ERICH3: variants seen among roughly 807,000 people sequenced by gnomAD.
The protein encoded by ERICH3 is glutamate-rich protein 3.
In ERICH3, 126 loss-of-function variants were observed where a neutral mutation model predicts 131.1. The ratio of observed to expected loss-of-function variants is 0.96; its 90% confidence interval spans 0.83 to 1.11. ERICH3 has a LOEUF of 1.11. Ranked by LOEUF, ERICH3 falls within the 50% of genes most tolerant of loss-of-function variation. The probability of loss-of-function intolerance (pLI) is 0.00; values close to 1 mark genes in which losing one functional copy is unlikely to be tolerated. For missense variants in ERICH3, 2,050 were observed against 1,810.7 expected (o/e 1.13, Z -2.40); for synonymous variants, 695 against 644.6 (o/e 1.08, Z -1.18).
Position 74,572,303 on chromosome 1 carries a change from T to G in ERICH3, c.3407A>C (p.Glu1136Ala). 6.2e-7 allele frequency: 1 copy of G among 1,614,032 alleles called. No homozygotes were observed. The highest frequency in any genetic ancestry group is 1.1e-5 in the South Asian group (1 of 91,082). Reference sequence around the variant, plus strand: ...TAGAAGCCCTGGATTGTCAGACAACTCAGAAGCCTCCACAGGTGCTTCGTT... The same window carrying G: ...TAGAAGCCCTGGATTGTCAGACAACGCAGAAGCCTCCACAGGTGCTTCGTT... Reference protein sequence around the residue: ...AENEAPVEASELSDNPGLLGE... With the variant: ...AENEAPVEASALSDNPGLLGE... The change falls in exon 14 of 15, where the codon GAG becomes GCG. Residue 1136 changes from glutamate (E) to alanine (A), a missense_variant. Coordinates refer to ENST00000326665, the MANE Select transcript of ERICH3 (RefSeq NM_001002912.5).
At position 74,637,005 on chromosome 1, in the gene ERICH3, T is replaced by C. The variant is rs1041903265; in HGVS notation, c.445-567A>G. On this transcript the variant is annotated intron_variant, in intron 5 of 14. Coordinates refer to ENST00000326665, the MANE Select transcript of ERICH3 (RefSeq NM_001002912.5). ...TACTAGGAAAACAAAAATAAAAAAA[T>C]TGTAACTGGCAACTTTGGAAAATGT... Among the ~76,000 whole-genome samples, 6 of 152,276 alleles carry C rather than the reference T, an allele frequency of 3.9e-5. No individual in the cohort carries two copies. The East Asian group carries it at 1.2e-3, about 29-fold the overall frequency.
chr1:74,606,353 T>C (rs1648391472), intron 10 of ERICH3, among the ~76,000 whole-genome samples: 1 of 151,894 alleles, frequency 6.6e-6, no homozygotes, highest in African/African-American at 2.4e-5. Flanking sequence ...CACATTGACA[T>C]GTACTCATTC....
intron 1 of ERICH3, among the ~76,000 whole-genome samples, chr1:74,667,593 C>T (rs2100660314): frequency 6.6e-6 from 1 of 152,314 alleles, no homozygotes; most frequent in East Asian, 1.9e-4. Flanking sequence ...AACTTTACCT[C>T]AGGTTCTGAA....
intron 1 of ERICH3, among the ~76,000 whole-genome samples, chr1:74,660,305 T>C (rs150113034): frequency 9.5e-4 from 144 of 152,118 alleles, no homozygotes; most frequent in African/African-American, 3.3e-3. Context: ...TTCTTTATAG[T>C]AGTGTGAGAA....
At chr1:74,619,742 C>T (rs993383412) in intron 8 of ERICH3, among the ~76,000 whole-genome samples, 5 of 152,178 alleles carry the variant, frequency 3.3e-5, no homozygotes, top group Non-Finnish European at 7.3e-5. Context: ...CTACCAAATA[C>T]ATAAAATGGA....
chr1:74,578,554 T>C (rs1400807574), intron 12 of ERICH3: 1 of 152,150 alleles, frequency 6.6e-6, no homozygotes, highest in East Asian at 1.9e-4. Flanking sequence ...AAGAACATAG[T>C]ATTTCTGAAA....
rs766647500 is a variant in ERICH3 at position 74,573,474 on chromosome 1, T to G, written c.2236A>C (p.Met746Leu). ...TTGATTGCTGCTGTTTCATCCACCA[T>G]GAAATTCATTGTTGGTGCTATAAAA... ...LALGAPTMNF[M>L]VDETAAINSN... is the part of the protein sequence containing the mutation. The change falls in exon 14 of 15, where the codon ATG becomes CTG. Residue 746 changes from methionine to leucine, a missense_variant. By Grantham distance (15) the Met-to-Leu change is conservative. Transcript: ENST00000326665. 6 of 1,516,770 alleles carry G rather than the reference T, an allele frequency of 4.0e-6. No homozygotes were observed. In the South Asian group the frequency reaches 8.1e-5, roughly 20 times the overall value. 94.0% of individuals were successfully genotyped at this position (1,516,770 alleles called of 1,614,324 possible).
At chr1:74,615,069 C>A (rs1432471331) in intron 8 of ERICH3, 1 of 152,188 alleles carries the variant, frequency 6.6e-6, no homozygotes, top group Admixed American at 6.5e-5. Flanking sequence ...GCCCTTCCAT[C>A]GGATGCTCAT....
At chr1:74,637,792 T>C (rs1234867621) in intron 5 of ERICH3, among the ~76,000 whole-genome samples, 1 of 151,904 alleles carries the variant, frequency 6.6e-6, no homozygotes, top group Non-Finnish European at 1.5e-5. Context: ...TGATGATGTG[T>C]GCCAGCTACT....
chr1:74,667,957 T>C (rs557816857), intron 1 of ERICH3, among the ~76,000 whole-genome samples: 30 of 152,304 alleles, frequency 2.0e-4, no homozygotes, highest in Admixed American at 7.2e-4. Context: ...TGAGATCTGA[T>C]GGTTTAAAAG....
chr1:74,580,147 A>G (rs1048151529), intron 12 of ERICH3, among the ~76,000 whole-genome samples: 2 of 152,136 alleles, frequency 1.3e-5, no homozygotes, highest in African/African-American at 4.8e-5. Flanking sequence ...CTCAGAGAAG[A>G]CTACTAGTTA....
At chr1:74,598,063 T>C (rs566138436) in intron 11 of ERICH3, among the ~76,000 whole-genome samples, 58 of 152,026 alleles carry the variant, frequency 3.8e-4, no homozygotes, top group Middle Eastern at 3.4e-3. Flanking sequence ...CTTTTTTATT[T>C]CTCTTTCTTT....
At position 74,636,275 on chromosome 1, in the gene ERICH3, T is replaced by G; in HGVS notation, c.603+5A>C. On this transcript the variant is annotated splice_donor_5th_base_variant and intron_variant, in intron 6 of 14. Transcript: ENST00000326665. ...AATATATTTATTGATAAAAATAACATTTACCCCAATGGGAAACAGAGCTTC... is the reference window on the plus strand; with the variant it reads ...AATATATTTATTGATAAAAATAACAGTTACCCCAATGGGAAACAGAGCTTC... The G allele has an allele frequency of 6.3e-7, 1 of 1,589,298 alleles. No homozygotes were observed. The highest frequency in any genetic ancestry group is 8.6e-7 in the Non-Finnish European group (1 of 1,168,696).
At chr1:74,666,791 A>G (rs773180423) in intron 1 of ERICH3, among the ~76,000 whole-genome samples, 2 of 152,134 alleles carry the variant, frequency 1.3e-5, no homozygotes, top group Non-Finnish European at 2.9e-5. Flanking sequence ...AAAAAAATCT[A>G]TCCTTGAAAA....
At chr1:74,578,425 C>T (rs1052794877) in intron 12 of ERICH3, 6 of 152,394 alleles carry the variant, frequency 3.9e-5, no homozygotes, top group African/African-American at 1.2e-4. Context: ...ACATCCCTTG[C>T]TTATCATCTG....
chr1:74,571,463 G>A lies in ERICH3; in HGVS notation c.4247C>T (p.Pro1416Leu). 1 of 1,613,978 alleles carries A rather than the reference G, an allele frequency of 6.2e-7. No individual in the cohort carries two copies. The highest frequency in any genetic ancestry group is 8.5e-7 in the Non-Finnish European group (1 of 1,180,002). Residue 1416 changes from proline to leucine, a missense_variant, in exon 14 of 15, where the codon CCA becomes CTA. Coordinates refer to ENST00000326665, the MANE Select transcript of ERICH3 (RefSeq NM_001002912.5). ...EELARSGEEV[P>L]AAEEMTVTYT... is the part of the protein sequence containing the mutation. Reference sequence around the variant, plus strand: ...TGTCACTGTCATCTCCTCTGCTGCTGGCACTTCCTCCCCACTCCGTGCTAA... The same window carrying A: ...TGTCACTGTCATCTCCTCTGCTGCTAGCACTTCCTCCCCACTCCGTGCTAA...
At chr1:74,587,956 T>C (rs1647410996) in intron 12 of ERICH3, among the ~76,000 whole-genome samples, 1 of 152,232 alleles carries the variant, frequency 6.6e-6, no homozygotes, top group South Asian at 2.1e-4. Flanking sequence ...ACTTTATCTC[T>C]AAAGTCCCAG....
At chr1:74,670,635 T>C (rs908111665) in intron 1 of ERICH3, among the ~76,000 whole-genome samples, 1 of 152,222 alleles carries the variant, frequency 6.6e-6, no homozygotes, top group Admixed American at 6.5e-5. Flanking sequence ...TCAGGACCAC[T>C]GTGATAATTT....
chr1:74,655,648 G>T (rs1450196928), intron 1 of ERICH3, among the ~76,000 whole-genome samples: 1 of 152,084 alleles, frequency 6.6e-6, no homozygotes, highest in African/African-American at 2.4e-5. Context: ...AATTCCATCT[G>T]CAACTTTTAT....
Sources: gnomAD v4.1 joint callset for allele counts (sites outside exome capture counted in the v4.1 genomes callset) on GRCh38, gnomAD v4.1.1 for gene constraint, MANE v1.5 for transcripts, NCBI Gene and HGNC (gene_info 2026-07-23, HGNC 2026-07-21) for gene names.